The following RELCH variants were observed in gnomAD, a reference collection of about 807,000 sequenced individuals.
RELCH encodes the protein RAB11 binding and LisH domain, coiled-coil and HEAT repeat containing, also known as RAB11-binding protein RELCH.
In RELCH, 41 loss-of-function variants were observed where a neutral mutation model predicts 150.3. The ratio of observed to expected loss-of-function variants is 0.27; its 90% confidence interval spans 0.21 to 0.35. The LOEUF is 0.35. RELCH is among the 10% of genes least tolerant of loss of function. RELCH has a pLI of 1.00. For synonymous variants in RELCH, 478 were observed against 531.8 expected, an observed-to-expected ratio of 0.90 and a Z score of 1.39; for missense variants, 1,092 against 1,467.8, an observed-to-expected ratio of 0.74 and a Z score of 4.18.
intron 1 of RELCH, among the ~76,000 whole-genome samples, chr18:62,192,568 G>A (rs2038726695): frequency 6.6e-6 from 1 of 152,172 alleles, no homozygotes; most frequent in African/African-American, 2.4e-5. Flanking sequence ...TTTTGTATAA[G>A]TTGTAAGGAA....
At chr18:62,240,685 G>T (rs972482535) in intron 10 of RELCH, among the ~76,000 whole-genome samples, 2 of 150,238 alleles carry the variant, frequency 1.3e-5, no homozygotes, top group Admixed American at 1.3e-4. Flanking sequence ...TCTGCAGTAG[G>T]ATTATTATAC....
intron 12 of RELCH, among the ~76,000 whole-genome samples, chr18:62,253,780 A>G (rs2042853192): frequency 6.6e-6 from 1 of 152,164 alleles, no homozygotes; most frequent in African/African-American, 2.4e-5. Flanking sequence ...TACCATCTAT[A>G]AATTACAGTG....
At chr18:62,227,516 C>T (rs752598270) in intron 6 of RELCH, 24 bp downstream of exon 6, 1 of 1,593,344 alleles carries the variant, frequency 6.3e-7, no homozygotes, top group East Asian at 2.2e-5. Context: ...ACTAATTAGT[C>T]AAGTCCACAG....
At chr18:62,188,094 G>C (rs1489083915) in intron 1 of RELCH, 63 bp downstream of exon 1, 1 of 1,447,836 alleles carries the variant, frequency 6.9e-7, no homozygotes, top group Non-Finnish European at 9.1e-7. Context: ...GTTACTGTAG[G>C]GGAGAGGGGG....
chr18:62,285,981 C>A (rs1281741136), intron 25 of RELCH: 1 of 152,060 alleles, frequency 6.6e-6, no homozygotes, highest in Non-Finnish European at 1.5e-5. Context: ...TTAGGAAGAT[C>A]CTTAATTAGA....
chr18:62,269,576 A>G (rs753917446), intron 20 of RELCH: 42 of 205,072 alleles, frequency 2.0e-4, no homozygotes, highest in Non-Finnish European at 4.0e-4. Flanking sequence ...TTGAACCATC[A>G]GAAAGCAAAG....
intron 5 of RELCH, among the ~76,000 whole-genome samples, chr18:62,223,653 A>G (rs2041021422): frequency 6.6e-6 from 1 of 152,098 alleles, no homozygotes; most frequent in African/African-American, 2.4e-5. Flanking sequence ...CATTTCCTTT[A>G]TTAATATAGA....
chr18:62,247,387 A>G (rs1339435689), intron 11 of RELCH: 1 of 152,226 alleles, frequency 6.6e-6, no homozygotes. Context: ...AATGGAGCCA[A>G]AATAAATGTA....
At position 62,252,029 on chromosome 18, in the gene RELCH, C is replaced by T. The variant is rs567792344; in HGVS notation, c.1734-635C>T. 9.3e-4 allele frequency among the ~76,000 whole-genome samples: 141 copies of T among 152,114 alleles called. 1 individual carries two copies. The highest frequency in any genetic ancestry group is 3.3e-3 in the African/African-American group (137 of 41,492). ...TTTTTTTTCTTGAGACGGAGTCTCA[C>T]TCTGTTGCCAGGCTGGGGTGCAGTG... On this transcript the variant is annotated intron_variant, in intron 11 of 28. Transcript: ENST00000644646.
intron 12 of RELCH, among the ~76,000 whole-genome samples, chr18:62,254,939 G>A (rs1313228819): frequency 1.3e-5 from 2 of 152,098 alleles, no homozygotes; most frequent in African/African-American, 4.8e-5. Context: ...ATAAATAAAA[G>A]CATATTTCTA....
chr18:62,282,622 ATT>A (rs2044578330), intron 25 of RELCH, among the ~76,000 whole-genome samples, 178 bp downstream of exon 25: 4 of 152,226 alleles, frequency 2.6e-5, no homozygotes, highest in Admixed American at 2.0e-4. Flanking sequence ...CAAGTTAGTT[ATT>A]GTGAATTAAT....
At chr18:62,242,143 C>T (rs974124458) in intron 10 of RELCH, among the ~76,000 whole-genome samples, 7 of 152,120 alleles carry the variant, frequency 4.6e-5, no homozygotes, top group African/African-American at 1.4e-4. Flanking sequence ...CTGCCATAGC[C>T]ATAATATGCC....
chr18:62,250,207 A>G (rs1327106053), intron 11 of RELCH, among the ~76,000 whole-genome samples: 1 of 152,120 alleles, frequency 6.6e-6, no homozygotes, highest in African/African-American at 2.4e-5. Context: ...AAAATTTTCA[A>G]TATTAACTCT....
chr18:62,261,382 T>C (rs1051961187), intron 15 of RELCH, 129 bp from the exon 16 acceptor site: 1 of 694,924 alleles, frequency 1.4e-6, no homozygotes, highest in Non-Finnish European at 2.3e-6. Context: ...GCCTTACTGC[T>C]TGTTTGAGTC....
chr18:62,195,677 G>A (rs184751776), intron 1 of RELCH, among the ~76,000 whole-genome samples: 1 of 151,906 alleles, frequency 6.6e-6, no homozygotes. Flanking sequence ...TGAGCTTGCA[G>A]CCTTCCAAAA....
In RELCH at chr18:62,187,285, G is replaced by C; in HGVS notation, c.-221G>C. ...TCGCGAGACTGGAGACCAGGAAGAC[G>C]CCTGCAGAGCCGGGCTGCTGGTGCA... On this transcript the variant is annotated 5_prime_UTR_variant, in exon 1 of 29. Coordinates refer to ENST00000644646, the MANE Select transcript of RELCH (RefSeq NM_001346231.2). 2.7e-6 allele frequency: 1 copy of C among 372,142 alleles called. No individual in the cohort carries two copies. The highest frequency in any genetic ancestry group is 4.8e-6 in the Non-Finnish European group (1 of 207,792). 23.1% of individuals were successfully genotyped at this position (372,142 alleles called of 1,614,324 possible).
At chr18:62,290,652 C>T (rs1200995880) in intron 26 of RELCH, among the ~76,000 whole-genome samples, 1 of 152,130 alleles carries the variant, frequency 6.6e-6, no homozygotes, top group Non-Finnish European at 1.5e-5. Context: ...CGGGAATGAA[C>T]AAGATGAATT....
intron 2 of RELCH, among the ~76,000 whole-genome samples, chr18:62,216,654 A>G (rs1229254510): frequency 6.6e-6 from 1 of 152,080 alleles, no homozygotes; most frequent in Non-Finnish European, 1.5e-5. Context: ...TCTTGGAACA[A>G]CGGTCAATAG....
At chr18:62,237,117 T>G (rs1334775929) in intron 10 of RELCH, among the ~76,000 whole-genome samples, 1 of 151,876 alleles carries the variant, frequency 6.6e-6, no homozygotes, top group Non-Finnish European at 1.5e-5. Context: ...CTTGTGTTAC[T>G]GATTCTTAAT....
Sources: gnomAD v4.1 joint callset for allele counts (sites outside exome capture counted in the v4.1 genomes callset) on GRCh38, gnomAD v4.1.1 for gene constraint, MANE v1.5 for transcripts, NCBI Gene and HGNC (gene_info 2026-07-23, HGNC 2026-07-21) for gene names.